The following AHCYL2 variants were observed in gnomAD, a reference collection of about 807,000 sequenced individuals.
AHCYL2 encodes S-adenosylhomocysteine hydrolase-like protein 2.
Under a neutral mutation model 81.4 loss-of-function variants are expected in AHCYL2, and 28 were observed. That is an observed-to-expected ratio of 0.34 (90% CI 0.25 to 0.47). The LOEUF (loss-of-function observed/expected upper bound fraction) is 0.47, where lower values mean the gene tolerates loss of function less well. AHCYL2 is among the 20% of genes least tolerant of loss of function. The pLI is 1.00. For synonymous variants in AHCYL2, 272 were observed against 290.2 expected, an observed-to-expected ratio of 0.94 and a Z score of 0.64; for missense variants, 551 against 785.1, an observed-to-expected ratio of 0.70 and a Z score of 3.56.
At chr7:129,372,502 T>C (rs1261530326) in intron 1 of AHCYL2, among the ~76,000 whole-genome samples, 1 of 152,148 alleles carries the variant, frequency 6.6e-6, no homozygotes, top group Non-Finnish European at 1.5e-5. Flanking sequence ...AGACCCTGTT[T>C]TGGGTGTAAA....
chr7:129,363,150 G>C (rs1793993370), intron 1 of AHCYL2, among the ~76,000 whole-genome samples: 1 of 152,140 alleles, frequency 6.6e-6, no homozygotes, highest in Non-Finnish European at 1.5e-5. Flanking sequence ...AAAGCCGCAG[G>C]AGCCGATACA....
chr7:129,239,716 T>C (rs1209254103), intron 1 of AHCYL2, among the ~76,000 whole-genome samples: 2 of 151,930 alleles, frequency 1.3e-5, no homozygotes, highest in Non-Finnish European at 2.9e-5. Flanking sequence ...ATAAGACTTA[T>C]AACAAAATAC....
intron 1 of AHCYL2, among the ~76,000 whole-genome samples, chr7:129,244,491 G>T (rs1794979482): frequency 6.6e-6 from 1 of 152,164 alleles, no homozygotes; most frequent in Non-Finnish European, 1.5e-5. Context: ...TGGAGGCTGG[G>T]AGTCTGAGAT....
At chr7:129,304,060 AAAAAT>A (rs769300390) in intron 1 of AHCYL2, among the ~76,000 whole-genome samples, 1 of 151,666 alleles carries the variant, frequency 6.6e-6, no homozygotes, top group Admixed American at 6.5e-5. Context: ...TCAAAAAATA[AAAAAT>A]AAAATAAAAA....
Position 129,406,337 on chromosome 7 carries a change from C to T in AHCYL2, c.1207-41C>T, listed in dbSNP as rs1407215088. 1 of 1,587,660 alleles carries T rather than the reference C, an allele frequency of 6.3e-7. No individual in the cohort carries two copies. The highest frequency in any genetic ancestry group is 8.6e-7 in the Non-Finnish European group (1 of 1,156,544). ...CAGAAGCTTTGAGAAATGGTTTTCT[C>T]AGTGACTTTCCTTAATATGTGTGCT... On this transcript the variant is annotated intron_variant, in intron 9 of 16. Transcript: ENST00000325006. This position sits in a 1 kb window ranked among gnomAD's most constrained non-coding sequence, Gnocchi z 4.3.
chr7:129,315,922 A>G (rs1797812470), intron 1 of AHCYL2, among the ~76,000 whole-genome samples: 1 of 152,242 alleles, frequency 6.6e-6, no homozygotes, highest in African/African-American at 2.4e-5. Flanking sequence ...AATTAACAAT[A>G]GGACACAATT....
chr7:129,271,359 CAAAAAAAAAAA>C (rs3042852), intron 1 of AHCYL2, among the ~76,000 whole-genome samples: 2 of 86,824 alleles, frequency 2.3e-5, no homozygotes, highest in Non-Finnish European at 4.7e-5. Flanking sequence ...AGACTGTCTC[CAAAAAAAAAAA>C]AAAAAAAAAG....
chr7:129,327,866 T>A (rs1798278591), intron 1 of AHCYL2, among the ~76,000 whole-genome samples: 1 of 152,202 alleles, frequency 6.6e-6, no homozygotes, highest in Non-Finnish European at 1.5e-5. Context: ...TGATCATTAC[T>A]CACTGCAGCC....
rs1300039245 is a variant in AHCYL2 at position 129,303,902 on chromosome 7, T to C, written c.364-75736T>C. Among the ~76,000 whole-genome samples, 3 of 152,108 alleles carry C rather than the reference T, an allele frequency of 2.0e-5. No homozygotes were observed. The East Asian group carries it at 5.8e-4, about 29-fold the overall frequency. ...GAGTTCCAGACCAGCCTAGGCAACA[T>C]GGTGAAACCCTGTCTCTACTAAAAA... On this transcript the variant is annotated intron_variant, in intron 1 of 16. Transcript: ENST00000325006.
chr7:129,373,541 A>C (rs917884056), intron 1 of AHCYL2, among the ~76,000 whole-genome samples: 1 of 152,046 alleles, frequency 6.6e-6, no homozygotes, highest in African/African-American at 2.4e-5. Flanking sequence ...TGGAGGTTGC[A>C]GTGAGCCGAG....
intron 1 of AHCYL2, among the ~76,000 whole-genome samples, chr7:129,300,720 A>T (rs1229893204): frequency 6.6e-6 from 1 of 152,156 alleles, no homozygotes; most frequent in East Asian, 1.9e-4. Flanking sequence ...AGGAGTCTCT[A>T]AATTGTTCTT....
intron 10 of AHCYL2, among the ~76,000 whole-genome samples, chr7:129,408,948 T>A (rs1432226398): frequency 6.6e-6 from 1 of 152,166 alleles, no homozygotes; most frequent in East Asian, 1.9e-4. Flanking sequence ...TGGTGGTGTA[T>A]GCCAATAGTC....
chr7:129,406,981 G>T lies in AHCYL2; in HGVS notation c.1295+515G>T, dbSNP rs747637479. Reference sequence around the variant, plus strand: ...GTTTGAAATGATTCTAAAATTAAAAGTTAAAACTTTTCTTATCTATAAAAT... The same window carrying T: ...GTTTGAAATGATTCTAAAATTAAAATTTAAAACTTTTCTTATCTATAAAAT... On this transcript the variant is annotated intron_variant, in intron 10 of 16. Transcript: ENST00000325006. The surrounding 1 kb of genome is among the most constrained non-coding windows in gnomAD (Gnocchi z 4.3). 6.9e-4 allele frequency among the ~76,000 whole-genome samples: 105 copies of T among 152,152 alleles called. No homozygotes were observed. Among genetic ancestry groups the T allele is most frequent in the Non-Finnish European group, 7.5e-4 (51 of 68,012 alleles).
intron 12 of AHCYL2, among the ~76,000 whole-genome samples, chr7:129,416,817 AAAAG>A (rs1332228671): frequency 4.0e-5 from 6 of 151,244 alleles, no homozygotes; most frequent in Admixed American, 2.6e-4. Context: ...AAAAAAAAGA[AAAAG>A]AATATGATGT....
chr7:129,385,334 C>A (rs141793691), intron 2 of AHCYL2, among the ~76,000 whole-genome samples: 21 of 152,296 alleles, frequency 1.4e-4, no homozygotes, highest in Non-Finnish European at 2.8e-4. Context: ...AATTGCCTGA[C>A]ATAAAATAGT....
intron 4 of AHCYL2, among the ~76,000 whole-genome samples, chr7:129,391,187 A>G (rs931308361): frequency 3.3e-5 from 5 of 152,232 alleles, no homozygotes; most frequent in Admixed American, 1.3e-4. Flanking sequence ...TCAGAGCAGC[A>G]TTGCCATGAT....
intron 1 of AHCYL2, among the ~76,000 whole-genome samples, chr7:129,267,421 C>T (rs1795852374): frequency 6.6e-6 from 1 of 152,156 alleles, no homozygotes; most frequent in Non-Finnish European, 1.5e-5. Flanking sequence ...TCTCCTGCCT[C>T]AGCCTCCCTA....
intron 6 of AHCYL2, among the ~76,000 whole-genome samples, chr7:129,401,411 G>T (rs371388290): frequency 6.6e-6 from 1 of 151,764 alleles, no homozygotes; most frequent in African/African-American, 2.4e-5. Context: ...TCTCCCCTAG[G>T]GGGAGGGGGC....
At chr7:129,345,643 A>G (rs898717613) in intron 1 of AHCYL2, among the ~76,000 whole-genome samples, 1 of 152,210 alleles carries the variant, frequency 6.6e-6, no homozygotes, top group Non-Finnish European at 1.5e-5. Context: ...CTAGAGTCAC[A>G]TTATCAAGAT....
Sources: gnomAD v4.1 joint callset for allele counts (sites outside exome capture counted in the v4.1 genomes callset) on GRCh38, gnomAD v4.1.1 for gene constraint, Gnocchi (gnomAD v3.1) non-coding constraint, MANE v1.5 for transcripts, NCBI Gene and HGNC (gene_info 2026-07-23, HGNC 2026-07-21) for gene names.